Variants in ALG13 observed in about 807,000 individuals in gnomAD.
ALG13 encodes the protein UDP-N-acetylglucosamine transferase subunit ALG13.
A neutral mutation model predicts 87.8 loss-of-function variants in ALG13; 11 were observed. The observed-to-expected ratio is 0.13, with a 90% CI of 0.08 to 0.21. ALG13 has a LOEUF of 0.21. Among genes scored for constraint, ALG13 ranks in the 10% least tolerant of loss-of-function variants. The probability of loss-of-function intolerance (pLI) is 1.00; values close to 1 mark genes in which losing one functional copy is unlikely to be tolerated. For synonymous variants in ALG13, 320 were observed against 306.3 expected (o/e 1.04, Z -0.47); for missense variants, 756 against 866.1 (o/e 0.87, Z 1.60).
intron 3 of ALG13, chrX:111,690,386 G>T (rs937452932): frequency 1.3e-6 from 1 of 753,080 alleles, no homozygotes; most frequent in Non-Finnish European, 1.6e-6. Context: ...GAACATTTAC[G>T]GGTTGGAGTA....
At chrX:111,748,716 C>A (rs1006924347) in intron 24 of ALG13, among the ~76,000 whole-genome samples, 1 of 111,291 alleles carries the variant, frequency 9.0e-6, no homozygotes, top group Non-Finnish European at 1.9e-5. Context: ...TTCATGGTGC[C>A]TTTTGATGGG....
chrX:111,688,575 T>C (rs1021920476), intron 3 of ALG13: 64 of 722,893 alleles, frequency 8.9e-5, no homozygotes, highest in Non-Finnish European at 9.6e-5. Flanking sequence ...ACTTTTTTTT[T>C]CTAAAACATA....
Position 111,709,062 on chromosome X carries a change from A to G in ALG13, c.834+14A>G, listed in dbSNP as rs772643892. On this transcript the variant is annotated intron_variant, in intron 5 of 26. Coordinates refer to ENST00000394780, the MANE Select transcript of ALG13 (RefSeq NM_001099922.3). Reference sequence around the variant, plus strand: ...ACTTTTGAGTCTGTAAGTAGAATACATACCCAGGGGAGAACTGGTAGAGTG... The same window carrying G: ...ACTTTTGAGTCTGTAAGTAGAATACGTACCCAGGGGAGAACTGGTAGAGTG... The G allele has an allele frequency of 5.7e-6, 6 of 1,059,363 alleles. No individual in the cohort carries two copies. The South Asian group carries it at 1.2e-4, about 21-fold the overall frequency. The allele number at this position is 1,059,363 out of a possible 1,213,427, so 87.3% of individuals were successfully genotyped here. A position where few individuals can be genotyped will look rare whatever the true frequency, so the allele number is the denominator to read the frequency against.
Position 111,735,041 on chromosome X carries a change from T to G in ALG13, c.2458-10T>G, listed in dbSNP as rs758816944. 3.6e-6 allele frequency: 4 copies of G among 1,101,496 alleles called. No homozygotes were observed. The highest frequency in any genetic ancestry group is 5.0e-6 in the Non-Finnish European group (4 of 801,913). 90.8% of individuals were successfully genotyped at this position (1,101,496 alleles called of 1,213,427 possible). A position where few individuals can be genotyped will look rare whatever the true frequency, so the allele number is the denominator to read the frequency against. On this transcript the variant is annotated splice_polypyrimidine_tract_variant and intron_variant, in intron 21 of 26. Coordinates refer to ENST00000394780, the MANE Select transcript of ALG13 (RefSeq NM_001099922.3). ...TTGTTTTTTTATTTAACTATATTTT[T>G]GTATTAAAGTCTCTTCAGGACAGAA...
At chrX:111,715,349 G>A (rs1940420982) in intron 8 of ALG13, among the ~76,000 whole-genome samples, 1 of 112,123 alleles carries the variant, frequency 8.9e-6, no homozygotes, top group East Asian at 2.8e-4. Context: ...CTTTTATTTT[G>A]TGATGCTTTG....
intron 23 of ALG13, among the ~76,000 whole-genome samples, chrX:111,744,146 C>T (rs1944006971): frequency 9.0e-6 from 1 of 111,274 alleles, no homozygotes; most frequent in South Asian, 3.8e-4. Context: ...AGATTCTGTA[C>T]CTCCTTAGAA....
intron 1 of ALG13, chrX:111,681,784 G>T: frequency 1.2e-6 from 1 of 832,162 alleles, no homozygotes; most frequent in Non-Finnish European, 1.4e-6. Flanking sequence ...TCTCCTCAGC[G>T]CGCGTCGTCC....
At chrX:111,699,730 C>G (rs974338913) in intron 3 of ALG13, among the ~76,000 whole-genome samples, 2 of 111,014 alleles carry the variant, frequency 1.8e-5, no homozygotes, top group African/African-American at 6.6e-5. Context: ...TATCCTGTTC[C>G]TTTTTTTGAT....
chrX:111,736,074 C>T (rs1164903051), intron 22 of ALG13, among the ~76,000 whole-genome samples: 13 of 111,217 alleles, frequency 1.2e-4, no homozygotes, highest in Non-Finnish European at 2.3e-4. Flanking sequence ...GATGCTAAGG[C>T]GGGCAGGTTA....
intron 3 of ALG13, among the ~76,000 whole-genome samples, chrX:111,699,602 G>A (rs1168556160): frequency 9.0e-6 from 1 of 111,540 alleles, no homozygotes; most frequent in Non-Finnish European, 1.9e-5. Flanking sequence ...TCTTCTGCCC[G>A]TGGATAGTCA....
chrX:111,688,774 A>G (rs1935597716), intron 3 of ALG13: 1 of 740,447 alleles, frequency 1.4e-6, no homozygotes, highest in Non-Finnish European at 1.6e-6. Context: ...TGAATGAACA[A>G]TAAACTGATG....
chrX:111,685,696 A>T (rs1023652892), intron 3 of ALG13, among the ~76,000 whole-genome samples: 1 of 112,301 alleles, frequency 8.9e-6, no homozygotes, highest in Non-Finnish European at 1.9e-5. Flanking sequence ...CTATGAAGAA[A>T]GTAAGACAGG....
intron 3 of ALG13, among the ~76,000 whole-genome samples, chrX:111,705,779 C>G (rs1217979420): frequency 9.1e-6 from 1 of 110,312 alleles, no homozygotes; most frequent in African/African-American, 3.3e-5. Context: ...GGATCTACTT[C>G]TGTGTGCTTC....
chrX:111,746,970 A>C (rs1228120787), intron 24 of ALG13, among the ~76,000 whole-genome samples: 2 of 111,172 alleles, frequency 1.8e-5, no homozygotes, highest in Non-Finnish European at 3.8e-5. Context: ...CCCATTTTCC[A>C]CCGGCCCCCA....
intron 3 of ALG13, among the ~76,000 whole-genome samples, chrX:111,706,448 TAC>T (rs1397886901): frequency 1.8e-5 from 2 of 112,916 alleles, no homozygotes; most frequent in Non-Finnish European, 3.7e-5. Flanking sequence ...TCTCCAGTGT[TAC>T]AGTTTCTTTA....
Position 111,696,149 on chromosome X carries a change from A to T in ALG13, c.383+11046A>T, listed in dbSNP as rs73544208. ...AGGTCTGTTTATGTGGTAATGTCAG[A>T]TTTATTCATTTTTATGTGGGCCAGT... On this transcript the variant is annotated intron_variant, in intron 3 of 26. Coordinates refer to ENST00000394780, the MANE Select transcript of ALG13 (RefSeq NM_001099922.3). Among the ~76,000 whole-genome samples, 600 of 111,021 alleles carry T rather than the reference A, an allele frequency of 5.4e-3. 7 individuals carry two copies. The highest frequency in any genetic ancestry group is 0.018 in the African/African-American group (552 of 30,566).
rs146925326 is a variant in ALG13, at chrX:111,682,233, C to T, written c.183C>T (p.Tyr61=). 0.014 allele frequency: 16,893 copies of T among 1,197,624 alleles called. 139 individuals carry two copies. The highest frequency in any genetic ancestry group is 0.018 in the Non-Finnish European group (15,554 of 888,179). ...CTGAGTCGTTTACTCTGGATGTTTA[C>T]AGGTACAAGGATTCCTTGAAAGAAG... The part of the protein sequence containing the change: ...FSTESFTLDV[Y]RYKDSLKEDI... Residue 61 remains tyrosine (Y), a synonymous_variant, in exon 2 of 27, where the codon TAC becomes TAT. Coordinates refer to ENST00000394780, the MANE Select transcript of ALG13 (RefSeq NM_001099922.3).
At chrX:111,690,039 G>A (rs1015384992) in intron 3 of ALG13, 2 of 746,280 alleles carry the variant, frequency 2.7e-6, no homozygotes, top group South Asian at 6.9e-5. Flanking sequence ...CTTTAAGACA[G>A]AATTGTAGAC....
intron 3 of ALG13, among the ~76,000 whole-genome samples, chrX:111,697,933 C>G (rs1937186642): frequency 1.8e-5 from 2 of 112,006 alleles, no homozygotes; most frequent in Admixed American, 9.5e-5. Context: ...ATTCCAATTA[C>G]TTGTTTTCCC....
Sources: allele counts gnomAD v4.1 joint callset (sites outside exome capture counted in the v4.1 genomes callset), GRCh38; gene constraint gnomAD v4.1.1; transcripts MANE v1.5; gene names NCBI Gene and HGNC (gene_info 2026-07-23, HGNC 2026-07-21).